Variants in LGR6 observed in about 807,000 individuals in gnomAD.
LGR6 encodes the protein leucine-rich repeat-containing G protein-coupled receptor 6.
A neutral mutation model predicts 69.4 loss-of-function variants in LGR6; 45 were observed. The ratio of observed to expected loss-of-function variants is 0.65; its 90% confidence interval spans 0.51 to 0.83. The LOEUF is 0.83. LGR6 is among the 40% of genes least tolerant of loss of function. The pLI, the probability that LGR6 is intolerant of heterozygous loss-of-function variation, is 0.00. For synonymous variants in LGR6, 538 were observed against 555.0 expected (o/e 0.97, Z 0.43); for missense variants, 1,108 against 1,246.7 (o/e 0.89, Z 1.68).
intron 1 of LGR6, among the ~76,000 whole-genome samples, chr1:202,210,017 G>C (rs1026112574): frequency 7.2e-5 from 11 of 152,222 alleles, no homozygotes; most frequent in African/African-American, 2.4e-4. Flanking sequence ...GCAAGGATGT[G>C]GTGAAGAAAT....
At position 202,242,481 on chromosome 1, in the gene LGR6, T is replaced by G. The variant is rs558476723; in HGVS notation, c.428+6488T>G. ...AAATGAGAGAGTCCAGTGGGATGAT[T>G]GGCAGACAGATGTCCCGAGTGAATA... On this transcript the variant is annotated intron_variant, in intron 4 of 17. Transcript: ENST00000367278. Among the ~76,000 whole-genome samples, 7 of 152,326 alleles carry G rather than the reference T, an allele frequency of 4.6e-5. No individual in the cohort carries two copies. The East Asian group carries it at 1.3e-3, about 29-fold the overall frequency.
chr1:202,293,905 C>T (rs760131549), intron 6 of LGR6, among the ~76,000 whole-genome samples: 2 of 152,188 alleles, frequency 1.3e-5, no homozygotes, highest in Non-Finnish European at 2.9e-5. Flanking sequence ...AATTCCTGAC[C>T]AGAAACTGCC....
At position 202,318,938 on chromosome 1, in the gene LGR6, A is replaced by G; in HGVS notation, c.2635A>G (p.Ile879Val). ...ALVAFSDVDL[I>V]LEASEAGRPP... ...GGTAGCCTTCTCTGATGTGGATCTC[A>G]TTCTGGAAGCTTCTGAAGCTGGGCG... is the stretch of plus-strand genomic sequence containing the variant. Residue 879 changes from isoleucine (I) to valine (V), a missense_variant, in exon 18 of 18, where the codon ATT becomes GTT. By Grantham distance (29) the Ile-to-Val change is conservative. Coordinates refer to ENST00000367278, the MANE Select transcript of LGR6 (RefSeq NM_001017403.2). 1 of 1,613,788 alleles carries G rather than the reference A, an allele frequency of 6.2e-7. No homozygotes were observed. The highest frequency in any genetic ancestry group is 8.5e-7 in the Non-Finnish European group (1 of 1,179,848).
In LGR6 at chr1:202,193,983, C is replaced by T. The variant is rs1369256375; in HGVS notation, c.-7C>T. On this transcript the variant is annotated 5_prime_UTR_variant, in exon 1 of 18. Coordinates refer to ENST00000367278, the MANE Select transcript of LGR6 (RefSeq NM_001017403.2). ...CCGCCAGGTGCCCCAGTAGCCCGAC[C>T]GCCGAGATGCCCAGCCCGCCGGGGC... is the stretch of plus-strand genomic sequence containing the variant. 62 of 1,365,440 alleles carry T rather than the reference C, an allele frequency of 4.5e-5. No individual in the cohort carries two copies. The highest frequency in any genetic ancestry group is 5.7e-5 in the Non-Finnish European group (60 of 1,060,540). The allele number at this position is 1,365,440 out of a possible 1,614,324, so 84.6% of individuals were successfully genotyped here.
intron 4 of LGR6, among the ~76,000 whole-genome samples, chr1:202,258,620 C>G (rs1388480072): frequency 6.6e-6 from 1 of 151,718 alleles, no homozygotes; most frequent in East Asian, 1.9e-4. Context: ...GTATTTTCAT[C>G]ATTGTCTCTT....
chr1:202,247,719 A>T (rs1662840661), intron 4 of LGR6, among the ~76,000 whole-genome samples: 1 of 152,238 alleles, frequency 6.6e-6, no homozygotes, highest in Admixed American at 6.5e-5. Flanking sequence ...GGGAAGGTAC[A>T]TTAGAGTCAC....
At chr1:202,232,410 C>T (rs1661163287) in intron 3 of LGR6, among the ~76,000 whole-genome samples, 2 of 152,226 alleles carry the variant, frequency 1.3e-5, no homozygotes, top group Non-Finnish European at 2.9e-5. Context: ...GGACCAACGG[C>T]TGCATGTTAG....
At chr1:202,281,286 A>G (rs1039263335) in intron 6 of LGR6, among the ~76,000 whole-genome samples, 1 of 152,182 alleles carries the variant, frequency 6.6e-6, no homozygotes, top group African/African-American at 2.4e-5. Flanking sequence ...AAGGAAGAGT[A>G]ATACTGCAGA....
chr1:202,258,332 C>T (rs916165646), intron 4 of LGR6, among the ~76,000 whole-genome samples: 3 of 151,974 alleles, frequency 2.0e-5, no homozygotes, highest in African/African-American at 7.2e-5. Flanking sequence ...AAGGTGCCGT[C>T]ACTTCCTGCC....
intron 1 of LGR6, among the ~76,000 whole-genome samples, chr1:202,212,820 C>T (rs1319827300): frequency 6.6e-6 from 1 of 152,242 alleles, no homozygotes; most frequent in African/African-American, 2.4e-5. Context: ...ACCATTCATC[C>T]ACCACACTTT....
At chr1:202,257,944 A>G (rs1663912240) in intron 4 of LGR6, among the ~76,000 whole-genome samples, 1 of 152,098 alleles carries the variant, frequency 6.6e-6, no homozygotes, top group Non-Finnish European at 1.5e-5. Flanking sequence ...ATCCATGAAT[A>G]TGGGATATTT....
At chr1:202,264,418 G>A (rs577211948) in intron 4 of LGR6, among the ~76,000 whole-genome samples, 67 of 152,272 alleles carry the variant, frequency 4.4e-4, no homozygotes, top group Admixed American at 1.8e-3. Context: ...AAGCAAGTCG[G>A]GAAGATCTCC....
chr1:202,227,567 C>T (rs531820876), intron 2 of LGR6, among the ~76,000 whole-genome samples: 9 of 152,252 alleles, frequency 5.9e-5, no homozygotes, highest in Non-Finnish European at 1.0e-4. Flanking sequence ...TGAGAGCAGG[C>T]GGTGGGTAAT....
At chr1:202,218,373 A>G (rs1659923147) in intron 1 of LGR6, among the ~76,000 whole-genome samples, 1 of 152,152 alleles carries the variant, frequency 6.6e-6, no homozygotes, top group Non-Finnish European at 1.5e-5. Flanking sequence ...ACCCTAGCTC[A>G]CTGCAGCTTC....
Position 202,318,660 on chromosome 1 carries a change from A to G in LGR6, c.2357A>G (p.Tyr786Cys), listed in dbSNP as rs758924475. The change falls in exon 18 of 18, where the codon TAC (tyrosine) becomes TGC (cysteine). Residue 786 changes from tyrosine to cysteine, a missense_variant. Physicochemically the swap from Tyr to Cys is radical, Grantham distance 194 (BLOSUM62 -2). Transcript: ENST00000367278. ...CTCATCTTCGCAGACGGGCTCCTCTACTGTCCCGTGGCCTTCCTCAGCTTT... is the reference window on the plus strand; with the variant it reads ...CTCATCTTCGCAGACGGGCTCCTCTGCTGTCCCGTGGCCTTCCTCAGCTTT... ...AWLIFADGLLYCPVAFLSFAS... is the reference protein window; with the variant it reads ...AWLIFADGLLCCPVAFLSFAS... 5 of 1,613,454 alleles carry G rather than the reference A, an allele frequency of 3.1e-6. No homozygotes were observed. The highest frequency in any genetic ancestry group is 2.7e-5 in the African/African-American group (2 of 74,818).
intron 4 of LGR6, among the ~76,000 whole-genome samples, chr1:202,275,747 G>C (rs774181727): frequency 5.9e-5 from 9 of 152,180 alleles, no homozygotes; most frequent in Non-Finnish European, 1.3e-4. Flanking sequence ...GTTCGGTTCA[G>C]AGGGAGGACA....
intron 4 of LGR6, among the ~76,000 whole-genome samples, chr1:202,258,466 A>T (rs909503132): frequency 2.0e-5 from 3 of 151,956 alleles, no homozygotes; most frequent in Admixed American, 1.3e-4. Flanking sequence ...AATTCAAAAC[A>T]TCTTTTATGT....
intron 6 of LGR6, among the ~76,000 whole-genome samples, chr1:202,290,965 C>T (rs1666752311): frequency 6.6e-6 from 1 of 152,202 alleles, no homozygotes; most frequent in Non-Finnish European, 1.5e-5. Context: ...TACAGGGAGG[C>T]TCCTCAGAGA....
At chr1:202,228,680 A>T (rs992137227) in intron 3 of LGR6, among the ~76,000 whole-genome samples, 12 of 152,166 alleles carry the variant, frequency 7.9e-5, no homozygotes, top group African/African-American at 2.9e-4. Context: ...TCCAACTAAG[A>T]CTGTCCTCCC....
Sources: allele counts gnomAD v4.1 joint callset (sites outside exome capture counted in the v4.1 genomes callset), GRCh38; gene constraint gnomAD v4.1.1; transcripts MANE v1.5; gene names NCBI Gene and HGNC (gene_info 2026-07-23, HGNC 2026-07-21).